ZC3H12B: variants seen among roughly 807,000 people sequenced by gnomAD.
The protein encoded by ZC3H12B is probable ribonuclease ZC3H12B.
ZC3H12B carries 7 observed loss-of-function variants against 43.9 expected under a neutral mutation model. The ratio of observed to expected loss-of-function variants is 0.16; its 90% confidence interval spans 0.09 to 0.30. ZC3H12B has a LOEUF of 0.30. Ranked by LOEUF, ZC3H12B falls within the 10% of genes least tolerant of loss-of-function variation. The pLI is 1.00. For missense variants in ZC3H12B, 475 were observed against 670.2 expected (o/e 0.71, Z 3.22); for synonymous variants, 222 against 241.7 (o/e 0.92, Z 0.76).
intron 2 of ZC3H12B, among the ~76,000 whole-genome samples, chrX:65,375,070 A>G (rs145137462): frequency 9.0e-6 from 1 of 111,588 alleles, no homozygotes; most frequent in Non-Finnish European, 1.9e-5. Context: ...CTTCTCCACT[A>G]TCCTCTAGCA....
the ZC3H12B span, among the ~76,000 whole-genome samples, chrX:65,335,533 A>G: frequency 8.9e-6 from 1 of 111,790 alleles, no homozygotes; most frequent in Admixed American, 9.5e-5. Context: ...AGACTCCTCA[A>G]AGGTAGCTCA....
the ZC3H12B span, among the ~76,000 whole-genome samples, chrX:65,076,816 A>G: frequency 9.0e-6 from 1 of 110,973 alleles, no homozygotes; most frequent in Non-Finnish European, 1.9e-5. Context: ...GTTTAAAGAT[A>G]TTTTTAATTA....
the ZC3H12B span, among the ~76,000 whole-genome samples, chrX:65,341,485 A>T: frequency 8.9e-6 from 1 of 111,901 alleles, no homozygotes; most frequent in Non-Finnish European, 1.9e-5. Context: ...CGACAAAGAG[A>T]AGCCTATCAG....
chrX:65,127,795 A>G, the ZC3H12B span, among the ~76,000 whole-genome samples: 1 of 110,702 alleles, frequency 9.0e-6, no homozygotes, highest in African/African-American at 3.3e-5. Flanking sequence ...AGTTGTCAGG[A>G]AGTAGGGGAA....
the ZC3H12B span, among the ~76,000 whole-genome samples, chrX:65,305,351 CCATT>C: frequency 1.8e-5 from 2 of 111,671 alleles, no homozygotes; most frequent in African/African-American, 6.5e-5. Flanking sequence ...GAAGATATTA[CCATT>C]CACTTAATAT....
intron 3 of ZC3H12B, among the ~76,000 whole-genome samples, chrX:65,414,266 T>C (rs915396187): frequency 1.8e-5 from 2 of 110,997 alleles, no homozygotes; most frequent in African/African-American, 6.5e-5. Context: ...CTTCTATTTT[T>C]TTTTTGAGGG....
At chrX:65,333,782 T>G in the ZC3H12B span, among the ~76,000 whole-genome samples, 1 of 112,081 alleles carries the variant, frequency 8.9e-6, no homozygotes, top group South Asian at 3.7e-4. Flanking sequence ...CAATTGTCTG[T>G]GTATGACAAA....
the ZC3H12B span, among the ~76,000 whole-genome samples, chrX:65,127,610 G>A: frequency 9.0e-6 from 1 of 111,181 alleles, no homozygotes; most frequent in East Asian, 2.9e-4. Flanking sequence ...CTTTGTCTTT[G>A]GCTACCAGGG....
the ZC3H12B span, among the ~76,000 whole-genome samples, chrX:65,247,835 G>T: frequency 3.6e-5 from 4 of 111,615 alleles, no homozygotes; most frequent in South Asian, 1.5e-3. Context: ...CATGACACAG[G>T]TTTACCTGTG....
chrX:65,077,694 A>G, the ZC3H12B span, among the ~76,000 whole-genome samples: 3 of 111,851 alleles, frequency 2.7e-5, no homozygotes, highest in Non-Finnish European at 5.6e-5. Flanking sequence ...TTTTACTAGA[A>G]CATAGGCCAG....
At chrX:65,489,362 T>C (rs753322649) in exon 1 of ZC3H12B, 47 of 1,205,850 alleles carry the variant, frequency 3.9e-5, no homozygotes, top group Middle Eastern at 2.3e-4. Context: ...TAGATAACAG[T>C]GACAATTTGA....
chrX:65,488,257 AAG>A (rs2148222999), upstream of ZC3H12B, among the ~76,000 whole-genome samples: 1 of 110,708 alleles, frequency 9.0e-6, no homozygotes, highest in South Asian at 3.9e-4. Flanking sequence ...GAAAGGAAGA[AAG>A]AGAGTCTTTC....
At chrX:65,434,499 T>C in intron 3 of ZC3H12B, among the ~76,000 whole-genome samples, 1 of 112,325 alleles carries the variant, frequency 8.9e-6, no homozygotes, top group Admixed American at 9.4e-5. Context: ...TGAACTGCAG[T>C]ATTAAATGCA....
chrX:65,120,386 G>A, the ZC3H12B span, among the ~76,000 whole-genome samples: 23 of 111,243 alleles, frequency 2.1e-4, no homozygotes. Context: ...TGGATTCCTA[G>A]GTATTTTATT....
the ZC3H12B span, chrX:65,271,726 A>AACTT: frequency 1.6e-5 from 2 of 121,873 alleles, no homozygotes; most frequent in East Asian, 4.1e-4. Context: ...ATATTAAAAT[A>AACTT]GTTAAGTAAC....
At chrX:65,147,084 T>C in the ZC3H12B span, among the ~76,000 whole-genome samples, 4 of 112,452 alleles carry the variant, frequency 3.6e-5, no homozygotes, top group Non-Finnish European at 5.6e-5. Flanking sequence ...TTGTAAACTT[T>C]CCAATATTCC....
At chrX:65,409,303 AT>A (rs1329934752) in intron 3 of ZC3H12B, among the ~76,000 whole-genome samples, 2 of 111,260 alleles carry the variant, frequency 1.8e-5, no homozygotes, top group African/African-American at 6.5e-5. Flanking sequence ...AATAAAAAAA[AT>A]AAAAGCCATA....
chrX:65,395,627 G>T (rs1013918950), intron 2 of ZC3H12B, among the ~76,000 whole-genome samples: 1 of 111,963 alleles, frequency 8.9e-6, no homozygotes, highest in Non-Finnish European at 1.9e-5. Context: ...GTTCATCAGG[G>T]ATATTGGCCT....
the ZC3H12B span, among the ~76,000 whole-genome samples, chrX:65,209,760 G>A: frequency 9.4e-6 from 1 of 105,951 alleles, no homozygotes; most frequent in Non-Finnish European, 1.9e-5. Flanking sequence ...CAGAAATAAT[G>A]CCACATATCT....
Sources: gnomAD v4.1 joint callset for allele counts (sites outside exome capture counted in the v4.1 genomes callset) on GRCh38, gnomAD v4.1.1 for gene constraint, MANE v1.5 for transcripts, NCBI Gene and HGNC (gene_info 2026-07-23, HGNC 2026-07-21) for gene names.